Variants in CPED1 observed in about 807,000 individuals in gnomAD.
CPED1 encodes the protein cadherin-like and PC-esterase domain-containing protein 1.
Under a neutral mutation model 128.2 loss-of-function variants are expected in CPED1, and 114 were observed. The ratio of observed to expected loss-of-function variants is 0.89; its 90% CI spans 0.76 to 1.04. CPED1 has a LOEUF of 1.04. Ranked by LOEUF, CPED1 falls within the 50% of genes least tolerant of loss-of-function variation. CPED1 has a pLI of 0.00. For synonymous variants in CPED1, 462 were observed against 426.7 expected, an observed-to-expected ratio of 1.08 and a Z score of -1.02; for missense variants, 1,211 against 1,207.1, an observed-to-expected ratio of 1.00 and a Z score of -0.05.
At chr7:121,245,520 C>G (rs549472861) in intron 18 of CPED1, among the ~76,000 whole-genome samples, 1 of 151,926 alleles carries the variant, frequency 6.6e-6, no homozygotes, top group Non-Finnish European at 1.5e-5. Context: ...TAATTTTTGA[C>G]GCAGAATAGT....
intron 16 of CPED1, among the ~76,000 whole-genome samples, chr7:121,173,072 G>A (rs1407876505): frequency 6.6e-6 from 1 of 152,044 alleles, no homozygotes; most frequent in African/African-American, 2.4e-5. Context: ...AGCTGACAGG[G>A]GGTTGGTATC....
intron 3 of CPED1, among the ~76,000 whole-genome samples, chr7:121,026,080 T>A (rs1202063657): frequency 3.9e-5 from 6 of 152,220 alleles, no homozygotes; most frequent in African/African-American, 1.4e-4. Context: ...ATTTAGGCAG[T>A]CTTCCTTAAG....
At position 121,002,440 on chromosome 7, in the gene CPED1, C is replaced by G. The variant is rs182108862; in HGVS notation, c.249+12570C>G. On this transcript the variant is annotated intron_variant, in intron 2 of 22. Coordinates refer to ENST00000310396, the MANE Select transcript of CPED1 (RefSeq NM_024913.5). The stretch of plus-strand genomic sequence containing the variant: ...GTGATTTTGAATGTTTCCCTTTACT[C>G]CCCTCTCTGTTATTATCTTTAAGAA... 2.6e-3 allele frequency among the ~76,000 whole-genome samples: 397 copies of G among 152,262 alleles called. 1 individual carries two copies. Among genetic ancestry groups the G allele is most frequent in the Non-Finnish European group, 4.6e-3 (311 of 68,014 alleles).
chr7:121,252,308 T>G (rs557826371), intron 18 of CPED1, among the ~76,000 whole-genome samples: 3 of 152,118 alleles, frequency 2.0e-5, no homozygotes, highest in African/African-American at 7.2e-5. Flanking sequence ...TATACAAAAA[T>G]TAATTCAAGA....
At chr7:121,134,221 A>G (rs1355123891) in intron 13 of CPED1, among the ~76,000 whole-genome samples, 1 of 152,080 alleles carries the variant, frequency 6.6e-6, no homozygotes, top group African/African-American at 2.4e-5. Flanking sequence ...ATGGGGGTGT[A>G]TGTACACAAT....
intron 22 of CPED1, among the ~76,000 whole-genome samples, chr7:121,277,061 G>A (rs1176297623): frequency 6.6e-6 from 1 of 152,056 alleles, no homozygotes; most frequent in African/African-American, 2.4e-5. Context: ...CCCAAACCAG[G>A]ACAGAGAGTA....
chr7:121,183,407 G>T (rs998090056), intron 16 of CPED1, among the ~76,000 whole-genome samples: 3 of 152,142 alleles, frequency 2.0e-5, no homozygotes, highest in African/African-American at 4.8e-5. Context: ...GAATATAAAG[G>T]ACCCTTGACC....
chr7:121,118,568 A>C (rs982160721), intron 7 of CPED1, among the ~76,000 whole-genome samples: 1 of 151,432 alleles, frequency 6.6e-6, no homozygotes, highest in African/African-American at 2.4e-5. Context: ...AAAAAAAAAA[A>C]AAAAACAGAG....
intron 16 of CPED1, among the ~76,000 whole-genome samples, chr7:121,161,035 C>G (rs557381355): frequency 6.6e-4 from 100 of 152,256 alleles, no homozygotes; most frequent in Non-Finnish European, 1.3e-3. Context: ...TATGAGGGAA[C>G]GGACCCCATT....
At chr7:121,019,675 G>C (rs1440357227) in intron 3 of CPED1, among the ~76,000 whole-genome samples, 1 of 152,016 alleles carries the variant, frequency 6.6e-6, no homozygotes. Flanking sequence ...TTTGAGAACA[G>C]TATGAGAACA....
At position 121,114,121 on chromosome 7, in the gene CPED1, C is replaced by T. The variant is rs571951678; in HGVS notation, c.919-10210C>T. On this transcript the variant is annotated intron_variant, in intron 7 of 22. Transcript: ENST00000310396. The stretch of plus-strand genomic sequence containing the variant: ...CTGGGATTACAGGCATGAGCCACCA[C>T]GCCCGGCCTTATTTGAAACTTTTAA... Among the ~76,000 whole-genome samples the T allele has an allele frequency of 2.6e-3, 401 of 152,288 alleles. 2 individuals carry two copies. Among genetic ancestry groups the T allele is most frequent in the African/African-American group, 9.3e-3 (385 of 41,564 alleles).
intron 17 of CPED1, among the ~76,000 whole-genome samples, chr7:121,242,904 A>G (rs181259600): frequency 2.9e-4 from 44 of 152,202 alleles, no homozygotes; most frequent in Middle Eastern, 3.4e-3. Flanking sequence ...GCCATAAACT[A>G]TATCATCTTT....
Position 121,140,935 on chromosome 7 carries a change from A to C in CPED1, c.1808A>C (p.Asp603Ala). Residue 603 changes from aspartate (D) to alanine (A), a missense_variant, in exon 15 of 23, where the codon GAT becomes GCT. Transcript: ENST00000310396. ...IKDYYCEVPF[D>A]VVTVTIGVET... ...GATTATTACTGTGAAGTCCCATTTGATGTGGTAACAGTGACAATTGGAGTG... is the reference window on the plus strand; with the variant it reads ...GATTATTACTGTGAAGTCCCATTTGCTGTGGTAACAGTGACAATTGGAGTG... 2.5e-6 allele frequency: 4 copies of C among 1,612,644 alleles called. No individual in the cohort carries two copies. Among genetic ancestry groups the C allele is most frequent in the Non-Finnish European group, 3.4e-6 (4 of 1,179,194 alleles).
Position 121,295,653 on chromosome 7 carries a change from G to A in CPED1, c.*1G>A, listed in dbSNP as rs753713915. 7 of 1,613,048 alleles carry A rather than the reference G, an allele frequency of 4.3e-6. No homozygotes were observed. The highest frequency in any genetic ancestry group is 3.3e-5 in the South Asian group (3 of 91,022). ...GTGTGCAAATAAAAGGACTATGTAG[G>A]CTCCCTGCAGGAGAGCTGAATCTGG... On this transcript the variant is annotated 3_prime_UTR_variant, in exon 23 of 23. Transcript: ENST00000310396.
chr7:121,124,879 G>C (rs1023755229), intron 8 of CPED1, among the ~76,000 whole-genome samples: 2 of 152,100 alleles, frequency 1.3e-5, no homozygotes, highest in Non-Finnish European at 1.5e-5. Flanking sequence ...ACTTTATTAA[G>C]AAAATTCAAT....
chr7:121,062,691 TC>T (rs36113801), intron 4 of CPED1: 101,190 of 151,952 alleles, frequency 0.67, 35,266 homozygotes, highest in East Asian at 0.93. Flanking sequence ...TCTGGCTGTG[TC>T]CCCACCCAAA....
chr7:121,249,552 CAAT>C (rs1457747938), intron 18 of CPED1, among the ~76,000 whole-genome samples: 1 of 152,064 alleles, frequency 6.6e-6, no homozygotes, highest in Admixed American at 6.6e-5. Context: ...AAATTCCAAC[CAAT>C]AATTTTATAT....
At chr7:121,249,878 T>G (rs961311733) in intron 18 of CPED1, among the ~76,000 whole-genome samples, 1 of 152,086 alleles carries the variant, frequency 6.6e-6, no homozygotes, top group Non-Finnish European at 1.5e-5. Context: ...AATGGGAGAA[T>G]TTAACACCCC....
chr7:121,009,181 G>GT (rs1248905897), intron 2 of CPED1, among the ~76,000 whole-genome samples: 5 of 152,088 alleles, frequency 3.3e-5, no homozygotes, highest in African/African-American at 1.2e-4. Flanking sequence ...CATGTTTGAT[G>GT]TTTTGCCATG....
Sources: allele counts gnomAD v4.1 joint callset (sites outside exome capture counted in the v4.1 genomes callset), GRCh38; gene constraint gnomAD v4.1.1; transcripts MANE v1.5; gene names NCBI Gene and HGNC (gene_info 2026-07-23, HGNC 2026-07-21).